The following ARHGAP44 variants were observed in gnomAD, a reference collection of about 807,000 sequenced individuals.
The protein encoded by ARHGAP44 is Rho GTPase activating protein 44.
ARHGAP44 carries 43 observed loss-of-function variants against 106.8 expected under a neutral mutation model. The observed-to-expected ratio is 0.40, with a 90% CI of 0.32 to 0.52. ARHGAP44 has a LOEUF of 0.52. Ranked by LOEUF, ARHGAP44 falls within the 20% of genes least tolerant of loss-of-function variation. The pLI, the probability that ARHGAP44 is intolerant of heterozygous loss-of-function variation, is 0.48. For synonymous variants in ARHGAP44, 439 were observed against 410.3 expected (o/e 1.07, Z -0.85); for missense variants, 866 against 1,050.5 (o/e 0.82, Z 2.43).
chr17:12,989,625 A>G (rs1390716904), intron 20 of ARHGAP44, among the ~76,000 whole-genome samples: 1 of 152,056 alleles, frequency 6.6e-6, no homozygotes, highest in African/African-American at 2.4e-5. Context: ...GCTTGAGAGG[A>G]GAAAGGGGTC....
chr17:12,875,139 A>G (rs1391075552), intron 1 of ARHGAP44, among the ~76,000 whole-genome samples: 1 of 152,064 alleles, frequency 6.6e-6, no homozygotes, highest in East Asian at 1.9e-4. Flanking sequence ...GCTTGACCCC[A>G]CTCCCAGAAT....
chr17:12,877,292 G>A (rs952091137), intron 1 of ARHGAP44, among the ~76,000 whole-genome samples: 4 of 152,066 alleles, frequency 2.6e-5, no homozygotes, highest in African/African-American at 9.7e-5. Flanking sequence ...GACTGGTCCT[G>A]TTCATATAGC....
intron 16 of ARHGAP44, 200 bp from the exon 17 acceptor site, chr17:12,973,102 A>G: frequency 1.8e-6 from 1 of 569,408 alleles, no homozygotes; most frequent in Non-Finnish European, 3.1e-6. Context: ...TGTGCATGGT[A>G]GGGTATGACT....
chr17:12,956,462 C>T (rs1156275479), intron 14 of ARHGAP44, among the ~76,000 whole-genome samples, 193 bp from the exon 15 acceptor site: 1 of 152,180 alleles, frequency 6.6e-6, no homozygotes, highest in Non-Finnish European at 1.5e-5. Context: ...GGTTTATCTC[C>T]ATTCTGCAGA....
chr17:12,875,315 G>A (rs77342031), intron 1 of ARHGAP44, among the ~76,000 whole-genome samples: 5,997 of 152,270 alleles, frequency 0.039, 179 homozygotes, highest in Admixed American at 0.072. Context: ...ATTGGGGTCT[G>A]GGCGTGGTGG....
At chr17:12,940,851 T>C (rs1007402463) in intron 7 of ARHGAP44, among the ~76,000 whole-genome samples, 7 of 152,204 alleles carry the variant, frequency 4.6e-5, no homozygotes, top group Non-Finnish European at 1.0e-4. Context: ...ATGACTGACA[T>C]AGGTGTTCTT....
At chr17:12,833,325 T>C (rs1332733547) in intron 1 of ARHGAP44, among the ~76,000 whole-genome samples, 2 of 152,242 alleles carry the variant, frequency 1.3e-5, no homozygotes, top group Non-Finnish European at 2.9e-5. Flanking sequence ...GTATTCATCA[T>C]AGTCCTGATG....
chr17:12,850,621 C>A (rs2150847020), intron 1 of ARHGAP44, among the ~76,000 whole-genome samples: 1 of 152,230 alleles, frequency 6.6e-6, no homozygotes, highest in Non-Finnish European at 1.5e-5. Context: ...GAGTCTCACC[C>A]TCCTTTTTCC....
chr17:12,960,587 G>A (rs2039238334), intron 16 of ARHGAP44, among the ~76,000 whole-genome samples: 1 of 134,752 alleles, frequency 7.4e-6, no homozygotes, highest in Non-Finnish European at 1.6e-5. Context: ...AAGAAAGAGA[G>A]TCTCGCTCTG....
At chr17:12,911,941 A>T (rs1036793250) in intron 4 of ARHGAP44, among the ~76,000 whole-genome samples, 15 of 152,218 alleles carry the variant, frequency 9.9e-5, no homozygotes, top group African/African-American at 3.6e-4. Flanking sequence ...AGGATGTTGG[A>T]GGGGGTCAGT....
intron 1 of ARHGAP44, among the ~76,000 whole-genome samples, chr17:12,855,375 A>G (rs957460407): frequency 1.3e-5 from 2 of 152,204 alleles, no homozygotes; most frequent in Non-Finnish European, 2.9e-5. Flanking sequence ...AATACCATTT[A>G]TCTTGTAGCA....
chr17:12,916,120 C>A, intron 5 of ARHGAP44, 109 bp downstream of exon 5: 2 of 865,994 alleles, frequency 2.3e-6, no homozygotes, highest in Non-Finnish European at 3.6e-6. Context: ...ACCTTCTCCC[C>A]AACATTGTTT....
At chr17:12,952,646 T>G in intron 13 of ARHGAP44, 65 bp downstream of exon 13, 2 of 1,236,160 alleles carry the variant, frequency 1.6e-6, no homozygotes, top group South Asian at 2.6e-5. Flanking sequence ...GAGATACAAC[T>G]GCCCGGGTAA....
At position 12,990,009 on chromosome 17, in the gene ARHGAP44, CCTCT is replaced by C. The variant is rs748302652; in HGVS notation, c.2318-16_2318-13del. 1.6e-5 allele frequency: 25 copies of C among 1,593,150 alleles called. No homozygotes were observed. The highest frequency in any genetic ancestry group is 8.0e-5 in the African/African-American group (6 of 74,604). ...TTGCCGGGAAGCCTCCTTTCAACCA[CCTCT>C]CTCTCTGCCGCCTTCCAGATCTTGT... On this transcript the variant is annotated intron_variant, in intron 20 of 20. Transcript: ENST00000379672.
At chr17:12,946,223 G>T (rs924638012) in intron 10 of ARHGAP44, among the ~76,000 whole-genome samples, 8 of 152,102 alleles carry the variant, frequency 5.3e-5, no homozygotes, top group African/African-American at 1.4e-4. Flanking sequence ...GGGCATTCTT[G>T]TTACGTTTCT....
At chr17:12,834,867 A>G (rs924290987) in intron 1 of ARHGAP44, among the ~76,000 whole-genome samples, 8 of 152,288 alleles carry the variant, frequency 5.3e-5, no homozygotes, top group South Asian at 4.1e-4. Context: ...TAAATACATG[A>G]TATATAATTT....
intron 1 of ARHGAP44, among the ~76,000 whole-genome samples, chr17:12,877,748 TA>T (rs957765176): frequency 1.9e-3 from 260 of 138,786 alleles, no homozygotes; most frequent in Non-Finnish European, 1.9e-3. Flanking sequence ...AGACTCCGTC[TA>T]AAAAAAAAAA....
intron 20 of ARHGAP44, chr17:12,985,661 C>T (rs1209018631): frequency 6.6e-6 from 1 of 152,236 alleles, no homozygotes; most frequent in Non-Finnish European, 1.5e-5. Flanking sequence ...CCAGACACTT[C>T]AACCACATAA....
chr17:12,989,132 A>C (rs921966556), intron 20 of ARHGAP44, among the ~76,000 whole-genome samples: 1 of 143,876 alleles, frequency 7.0e-6, no homozygotes, highest in African/African-American at 2.5e-5. Context: ...AAAACTAAGC[A>C]GGCGGAGGAA....
Sources: allele counts gnomAD v4.1 joint callset (sites outside exome capture counted in the v4.1 genomes callset), GRCh38; gene constraint gnomAD v4.1.1; transcripts MANE v1.5; gene names NCBI Gene and HGNC (gene_info 2026-07-23, HGNC 2026-07-21).